NRP2: variants seen among roughly 807,000 people sequenced by gnomAD.
The protein encoded by NRP2 is neuropilin-2.
NRP2 carries 52 observed loss-of-function variants against 110.4 expected under a neutral mutation model. That is an observed-to-expected ratio of 0.47 (90% CI 0.38 to 0.59). The LOEUF is 0.59. Ranked by LOEUF, NRP2 falls within the 20% of genes least tolerant of loss-of-function variation. NRP2 has a pLI of 0.00. For missense variants in NRP2, 1,049 were observed against 1,203.0 expected (o/e 0.87, Z 1.89); for synonymous variants, 508 against 468.9 (o/e 1.08, Z -1.08).
chr2:205,765,790 AT>A, intron 14 of NRP2: 2 of 682,014 alleles, frequency 2.9e-6, no homozygotes, highest in Non-Finnish European at 5.5e-6. Flanking sequence ...CCTGTTCCCA[AT>A]CAGAAATAGA....
chr2:205,726,575 C>T (rs892971312), intron 6 of NRP2, among the ~76,000 whole-genome samples: 1 of 152,154 alleles, frequency 6.6e-6, no homozygotes, highest in Non-Finnish European at 1.5e-5. Context: ...CTACCAGGAA[C>T]AGAACTCAAG....
At chr2:205,705,476 T>C (rs1419067451) in intron 2 of NRP2, among the ~76,000 whole-genome samples, 3 of 152,268 alleles carry the variant, frequency 2.0e-5, no homozygotes, top group Non-Finnish European at 4.4e-5. Flanking sequence ...ACTTTTTTTA[T>C]GCCTCTTTTC....
intron 2 of NRP2, among the ~76,000 whole-genome samples, chr2:205,704,835 C>T (rs1384936042): frequency 6.6e-6 from 1 of 152,184 alleles, no homozygotes; most frequent in Non-Finnish European, 1.5e-5. Flanking sequence ...TCCACCCTGG[C>T]ACCTTCTCCG....
In NRP2 at chr2:205,743,406, A is replaced by G; in HGVS notation, c.1495A>G (p.Lys499Glu). The G allele has an allele frequency of 6.2e-7, 1 of 1,614,218 alleles. No individual in the cohort carries two copies. The highest frequency in any genetic ancestry group is 8.5e-7 in the Non-Finnish European group (1 of 1,180,034). Residue 499 changes from lysine to glutamate, a missense_variant, in exon 9 of 17, where the codon AAA (lysine) becomes GAA (glutamate). Transcript: ENST00000357785. ...QVDLGTPKTV[K>E]GVIIQGARGG... Reference sequence around the variant, plus strand: ...AGATCTGGGAACACCCAAGACAGTGAAAGGTGTCATCATCCAGGGAGCCCG... The same window carrying G: ...AGATCTGGGAACACCCAAGACAGTGGAAGGTGTCATCATCCAGGGAGCCCG...
intron 11 of NRP2, among the ~76,000 whole-genome samples, chr2:205,750,779 A>G (rs1000202773): frequency 6.6e-6 from 1 of 152,246 alleles, no homozygotes; most frequent in African/African-American, 2.4e-5. Context: ...TGATGGAGAC[A>G]TAAAGATATA....
At chr2:205,775,839 G>C (rs1575667772) in intron 15 of NRP2, among the ~76,000 whole-genome samples, 1 of 152,146 alleles carries the variant, frequency 6.6e-6, no homozygotes, top group East Asian at 1.9e-4. Flanking sequence ...GTGTGTGTGA[G>C]AGAGAGAGGG....
chr2:205,683,098 TCTC>T lies in NRP2; in HGVS notation c.-187_-185del. On this transcript the variant is annotated 5_prime_UTR_variant, in exon 1 of 17. Transcript: ENST00000357785. ...CCTCTTTGCTGATTTCAGGAGCTACTCTCCTCCTGGTGAGGTGGAAATTCCAGC... is the reference window on the plus strand; with the variant it reads ...CCTCTTTGCTGATTTCAGGAGCTACTCTCCTGGTGAGGTGGAAATTCCAGC... The T allele has an allele frequency of 1.7e-6, 1 of 592,588 alleles. No individual in the cohort carries two copies. Among genetic ancestry groups the T allele is most frequent in the Non-Finnish European group, 3.0e-6 (1 of 333,654 alleles). The allele number at this position is 592,588 out of a possible 1,614,324, so 36.7% of individuals were successfully genotyped here.
In NRP2 at chr2:205,683,122, C is replaced by T; in HGVS notation, c.-169C>T. The T allele has an allele frequency of 6.6e-6, 4 of 607,462 alleles. No individual in the cohort carries two copies. The Admixed American group carries it at 1.2e-4, about 17-fold the overall frequency. 37.6% of individuals were successfully genotyped at this position (607,462 alleles called of 1,614,324 possible). On this transcript the variant is annotated 5_prime_UTR_variant, in exon 1 of 17. Transcript: ENST00000357785. ...CTCTCCTCCTGGTGAGGTGGAAATT[C>T]CAGCAAGAATAGAGGTGAAGACAAG... is the stretch of plus-strand genomic sequence containing the variant.
chr2:205,688,547 C>T (rs1341180020), intron 1 of NRP2, among the ~76,000 whole-genome samples: 1 of 152,180 alleles, frequency 6.6e-6, no homozygotes, highest in African/African-American at 2.4e-5. Flanking sequence ...GGCCTTGTAT[C>T]ATGGCTGGCC....
In NRP2 at chr2:205,763,944, G is replaced by A. The variant is rs1302801739; in HGVS notation, c.2307+8G>A. 1 of 1,613,302 alleles carries A rather than the reference G, an allele frequency of 6.2e-7. No individual in the cohort carries two copies. On this transcript the variant is annotated splice_region_variant and intron_variant, in intron 13 of 16. Transcript: ENST00000357785. The surrounding 1 kb of genome is among the most constrained non-coding windows in gnomAD (Gnocchi z 4.0). The stretch of plus-strand genomic sequence containing the variant: ...TACGACATGGAGTACCAGGTGGGGT[G>A]AGCAAAAAGGGAATCTTGTGATCCG...
intron 7 of NRP2, among the ~76,000 whole-genome samples, chr2:205,730,260 G>A (rs891344577): frequency 3.3e-5 from 5 of 152,148 alleles, no homozygotes; most frequent in South Asian, 2.1e-4. Flanking sequence ...TTCACGGTGC[G>A]TCAGCGCAGC....
chr2:205,714,055 G>T (rs966456338), intron 2 of NRP2, among the ~76,000 whole-genome samples: 5 of 152,154 alleles, frequency 3.3e-5, no homozygotes, highest in East Asian at 3.9e-4. Flanking sequence ...CAGCCTCCTT[G>T]CCTGTGAAAT....
At chr2:205,746,734 T>C (rs1037866192) in intron 10 of NRP2, among the ~76,000 whole-genome samples, 12 of 152,356 alleles carry the variant, frequency 7.9e-5, no homozygotes, top group African/African-American at 1.9e-4. Context: ...CCCATTTTCC[T>C]GTCTGTGCCG....
At position 205,749,769 on chromosome 2, in the gene NRP2, G is replaced by C; in HGVS notation, c.1831G>C (p.Glu611Gln). ...GACGCTGGGACCCACTGTGAAGAGCGAAGAGACAACCACCCCCTACCCCAC... is the reference window on the plus strand; with the variant it reads ...GACGCTGGGACCCACTGTGAAGAGCCAAGAGACAACCACCCCCTACCCCAC... ...VETLGPTVKS[E>Q]ETTTPYPTEE... Residue 611 changes from glutamate (E) to glutamine (Q), a missense_variant, in exon 11 of 17, where the codon GAA becomes CAA. Coordinates refer to ENST00000357785, the MANE Select transcript of NRP2 (RefSeq NM_003872.3). 6.2e-7 allele frequency: 1 copy of C among 1,614,188 alleles called. No homozygotes were observed. Among genetic ancestry groups the C allele is most frequent in the Non-Finnish European group, 8.5e-7 (1 of 1,180,010 alleles).
Position 205,766,768 on chromosome 2 carries a change from G to C in NRP2, c.2405-15G>C. ...TGCCTTTAACTAAGTCCAATTTTTT[G>C]TTTGTTTTTTTCAGAACCCATCTCG... is the stretch of plus-strand genomic sequence containing the variant. On this transcript the variant is annotated splice_polypyrimidine_tract_variant and intron_variant, in intron 14 of 16. Coordinates refer to ENST00000357785, the MANE Select transcript of NRP2 (RefSeq NM_003872.3). The C allele has an allele frequency of 6.2e-7, 1 of 1,612,180 alleles. No individual in the cohort carries two copies. The highest frequency in any genetic ancestry group is 8.5e-7 in the Non-Finnish European group (1 of 1,179,254).
intron 1 of NRP2, among the ~76,000 whole-genome samples, chr2:205,690,637 G>C (rs1283474794): frequency 6.7e-6 from 1 of 150,026 alleles, no homozygotes; most frequent in Non-Finnish European, 1.5e-5. Flanking sequence ...CACAATAGCT[G>C]GGTATGGTGG....
intron 7 of NRP2, among the ~76,000 whole-genome samples, chr2:205,732,588 T>C (rs2057261565): frequency 6.6e-6 from 1 of 152,214 alleles, no homozygotes; most frequent in African/African-American, 2.4e-5. Context: ...GATCTGTAGA[T>C]GGAAGGCTCT....
intron 2 of NRP2, among the ~76,000 whole-genome samples, chr2:205,702,463 G>A (rs1259139766): frequency 1.3e-5 from 2 of 152,166 alleles, no homozygotes; most frequent in Non-Finnish European, 2.9e-5. Flanking sequence ...CATCAGTGTA[G>A]CTGCTCACAA....
intron 15 of NRP2, chr2:205,778,591 G>A (rs1204561678): frequency 6.6e-6 from 1 of 152,168 alleles, no homozygotes. Context: ...ATGCATTTGG[G>A]GCCAGGCATG....
Sources: gnomAD v4.1 joint callset for allele counts (sites outside exome capture counted in the v4.1 genomes callset) on GRCh38, gnomAD v4.1.1 for gene constraint, Gnocchi (gnomAD v3.1) non-coding constraint, MANE v1.5 for transcripts, NCBI Gene and HGNC (gene_info 2026-07-23, HGNC 2026-07-21) for gene names.